Variants in ZMAT5 observed in about 807,000 individuals in gnomAD.
ZMAT5 encodes the protein zinc finger matrin-type 5, also known as zinc finger matrin-type protein 5.
In ZMAT5, 23 loss-of-function variants were observed where a neutral mutation model predicts 28.0. The ratio of observed to expected loss-of-function variants is 0.82; its 90% CI spans 0.59 to 1.16. The LOEUF is 1.16. ZMAT5 is among the 50% of genes most tolerant of loss of function. The probability of loss-of-function intolerance (pLI) is 0.00; values close to 1 mark genes in which losing one functional copy is unlikely to be tolerated. For synonymous variants in ZMAT5, 76 were observed against 84.1 expected, an observed-to-expected ratio of 0.90 and a Z score of 0.52; for missense variants, 173 against 212.7, an observed-to-expected ratio of 0.81 and a Z score of 1.16.
intron 2 of ZMAT5, among the ~76,000 whole-genome samples, chr22:29,744,277 C>G (rs1465032121): frequency 1.3e-5 from 2 of 151,884 alleles, no homozygotes; most frequent in African/African-American, 4.8e-5. Context: ...TCCTCACAAA[C>G]CCTCTGAACA....
In ZMAT5 at chr22:29,742,500, C is replaced by T. The variant is rs369138354; in HGVS notation, c.128-20G>A. ...CTGCATCTGCGAGAGAAGAGAGGGA[C>T]GGGATTCGGATGGTTCAGGCTCCAC... is the stretch of plus-strand genomic sequence containing the variant. On this transcript the variant is annotated intron_variant, in intron 2 of 5. Coordinates refer to ENST00000344318, the MANE Select transcript of ZMAT5 (RefSeq NM_001003692.2). The T allele has an allele frequency of 7.6e-5, 122 of 1,611,002 alleles. No homozygotes were observed. The highest frequency in any genetic ancestry group is 6.4e-4 in the African/African-American group (48 of 74,894).
At chr22:29,732,872 A>C (rs1315597229) in intron 5 of ZMAT5, among the ~76,000 whole-genome samples, 1 of 152,122 alleles carries the variant, frequency 6.6e-6, no homozygotes, top group Non-Finnish European at 1.5e-5. Context: ...CAGAGGATGT[A>C]GACCAGGGGA....
chr22:29,759,500 G>C (rs1321130559), intron 1 of ZMAT5, among the ~76,000 whole-genome samples: 1 of 152,124 alleles, frequency 6.6e-6, no homozygotes, highest in Non-Finnish European at 1.5e-5. Flanking sequence ...TAAATGCAGT[G>C]ACTCACACCT....
At chr22:29,752,814 A>T (rs1472528920) in intron 1 of ZMAT5, among the ~76,000 whole-genome samples, 1 of 152,202 alleles carries the variant, frequency 6.6e-6, no homozygotes, top group Non-Finnish European at 1.5e-5. Flanking sequence ...CAGTGCTGGG[A>T]TTACAGTCGA....
Position 29,742,483 on chromosome 22 carries a change from G to C in ZMAT5, c.128-3C>G. 6.2e-7 allele frequency: 1 copy of C among 1,612,360 alleles called. No homozygotes were observed. Among genetic ancestry groups the C allele is most frequent in the Non-Finnish European group, 8.5e-7 (1 of 1,179,844 alleles). On this transcript the variant is annotated splice_region_variant and splice_polypyrimidine_tract_variant and intron_variant, in intron 2 of 5. Transcript: ENST00000344318. Reference sequence around the variant, plus strand: ...ATCCAGCAAGATGGCAGCTGCATCTGCGAGAGAAGAGAGGGACGGGATTCG... The same window carrying C: ...ATCCAGCAAGATGGCAGCTGCATCTCCGAGAGAAGAGAGGGACGGGATTCG...
chr22:29,760,680 T>C (rs2068149107), intron 1 of ZMAT5, among the ~76,000 whole-genome samples: 1 of 152,196 alleles, frequency 6.6e-6, no homozygotes, highest in Non-Finnish European at 1.5e-5. Context: ...GAACTTTCCC[T>C]TGAGTTCCAA....
At chr22:29,740,010 C>T (rs903197696) in intron 4 of ZMAT5, among the ~76,000 whole-genome samples, 1 of 152,200 alleles carries the variant, frequency 6.6e-6, no homozygotes, top group African/African-American at 2.4e-5. Context: ...TGGAGTCTGC[C>T]CCCAACCTGC....
At chr22:29,743,488 C>G (rs1166441216) in intron 2 of ZMAT5, among the ~76,000 whole-genome samples, 1 of 152,166 alleles carries the variant, frequency 6.6e-6, no homozygotes, top group Non-Finnish European at 1.5e-5. Flanking sequence ...TGGAGTGCAG[C>G]GGCATGATCT....
intron 1 of ZMAT5, among the ~76,000 whole-genome samples, chr22:29,763,607 AAATAAT>A (rs936861135): frequency 1.3e-5 from 2 of 151,104 alleles, no homozygotes; most frequent in African/African-American, 2.4e-5. Flanking sequence ...GTCTCAAACA[AAATAAT>A]AATAATAATA....
At chr22:29,755,364 AGGGG>A (rs1453087158) in intron 1 of ZMAT5, among the ~76,000 whole-genome samples, 24 of 12,146 alleles carry the variant, frequency 2.0e-3, no homozygotes, top group East Asian at 7.2e-3. Context: ...GGAGGGAGGG[AGGGG>A]GAGAGAGAGA....
chr22:29,733,684 C>T (rs1405837091), intron 5 of ZMAT5, among the ~76,000 whole-genome samples: 1 of 152,178 alleles, frequency 6.6e-6, no homozygotes, highest in Non-Finnish European at 1.5e-5. Flanking sequence ...GCCACAGGGA[C>T]AGTGGGGATC....
intron 1 of ZMAT5, among the ~76,000 whole-genome samples, chr22:29,763,138 C>A (rs1242933017): frequency 1.3e-5 from 2 of 151,816 alleles, no homozygotes; most frequent in Non-Finnish European, 2.9e-5. Flanking sequence ...ACTAAAAATA[C>A]AAAAATTATC....
chr22:29,753,883 A>G (rs1359646863), intron 1 of ZMAT5, among the ~76,000 whole-genome samples: 1 of 152,028 alleles, frequency 6.6e-6, no homozygotes, highest in African/African-American at 2.4e-5. Flanking sequence ...GTAAAATTCT[A>G]GAGCTCCTGA....
chr22:29,737,007 T>C (rs757599606), intron 5 of ZMAT5, among the ~76,000 whole-genome samples: 5 of 138,262 alleles, frequency 3.6e-5, no homozygotes, highest in Non-Finnish European at 7.6e-5. Flanking sequence ...GCCTGGGCGG[T>C]AGAGCAAGAA....
chr22:29,743,147 T>A (rs1321468459), intron 2 of ZMAT5, among the ~76,000 whole-genome samples: 1 of 152,162 alleles, frequency 6.6e-6, no homozygotes, highest in Non-Finnish European at 1.5e-5. Flanking sequence ...CTCATTATTA[T>A]CTTTGCAACT....
intron 4 of ZMAT5, among the ~76,000 whole-genome samples, chr22:29,739,449 TG>T (rs1187593738): frequency 6.6e-6 from 1 of 152,164 alleles, no homozygotes; most frequent in Non-Finnish European, 1.5e-5. Context: ...GGCCGGGCCC[TG>T]GGCTGTACAG....
intron 5 of ZMAT5, among the ~76,000 whole-genome samples, chr22:29,732,811 G>A (rs1466618600): frequency 2.0e-5 from 3 of 149,354 alleles, no homozygotes; most frequent in East Asian, 4.0e-4. Context: ...TGCAGCCGCC[G>A]CCAAAATTCA....
intron 5 of ZMAT5, 42 bp from the exon 6 acceptor site, chr22:29,731,396 C>G (rs2067842536): frequency 6.5e-7 from 1 of 1,530,680 alleles, no homozygotes; most frequent in South Asian, 1.3e-5. Context: ...GAGTGCACTA[C>G]AGCCCAGGCT....
chr22:29,733,092 C>T (rs938920078), intron 5 of ZMAT5, among the ~76,000 whole-genome samples: 1 of 152,220 alleles, frequency 6.6e-6, no homozygotes, highest in African/African-American at 2.4e-5. Context: ...GAGTCAGTCA[C>T]GTGACCAAGT....
Sources: gnomAD v4.1 joint callset for allele counts (sites outside exome capture counted in the v4.1 genomes callset) on GRCh38, gnomAD v4.1.1 for gene constraint, MANE v1.5 for transcripts, NCBI Gene and HGNC (gene_info 2026-07-23, HGNC 2026-07-21) for gene names.